Variants in ARHGAP24 observed in about 807,000 individuals in gnomAD.
The protein encoded by ARHGAP24 is Rho GTPase activating protein 24.
ARHGAP24 carries 50 observed loss-of-function variants against 76.4 expected under a neutral mutation model. The observed-to-expected ratio is 0.65, with a 90% CI of 0.52 to 0.83. The LOEUF is 0.83. Ranked by LOEUF, ARHGAP24 falls within the 40% of genes least tolerant of loss-of-function variation. The pLI is 0.00. For missense variants in ARHGAP24, 930 were observed against 914.2 expected (o/e 1.02, Z -0.22); for synonymous variants, 345 against 323.3 (o/e 1.07, Z -0.72).
At chr4:85,494,789 T>A (rs147042056) in intron 1 of ARHGAP24, among the ~76,000 whole-genome samples, 8 of 152,108 alleles carry the variant, frequency 5.3e-5, no homozygotes, top group African/African-American at 1.9e-4. Context: ...TAAAACTTCA[T>A]GAAAACTCTC....
At chr4:85,729,615 G>C (rs557281753) in intron 3 of ARHGAP24, among the ~76,000 whole-genome samples, 21 of 152,188 alleles carry the variant, frequency 1.4e-4, no homozygotes, top group African/African-American at 5.1e-4. Flanking sequence ...CTATTCGCTA[G>C]ACCAGGGGCC....
intron 3 of ARHGAP24, among the ~76,000 whole-genome samples, chr4:85,890,317 G>A (rs1444901267): frequency 6.6e-6 from 1 of 151,930 alleles, no homozygotes; most frequent in Non-Finnish European, 1.5e-5. Flanking sequence ...TTTTATCTTG[G>A]TCATCACACA....
chr4:85,720,677 A>T (rs1046804260), intron 2 of ARHGAP24, among the ~76,000 whole-genome samples: 1 of 152,230 alleles, frequency 6.6e-6, no homozygotes, highest in Non-Finnish European at 1.5e-5. Context: ...AGAGAGTACT[A>T]GAGTCAGAAG....
intron 4 of ARHGAP24, among the ~76,000 whole-genome samples, chr4:85,939,975 A>G (rs1347748306): frequency 1.3e-5 from 2 of 152,168 alleles, no homozygotes; most frequent in Non-Finnish European, 2.9e-5. Context: ...ATGATCTACA[A>G]GTCTTTTAAA....
intron 5 of ARHGAP24, among the ~76,000 whole-genome samples, chr4:85,954,911 G>A (rs886540314): frequency 2.3e-4 from 35 of 152,240 alleles, no homozygotes; most frequent in Non-Finnish European, 5.9e-5. Context: ...TCAGGAGGCT[G>A]AGGCAGGAGA....
At chr4:85,611,929 G>C (rs1269381077) in intron 2 of ARHGAP24, among the ~76,000 whole-genome samples, 1 of 152,032 alleles carries the variant, frequency 6.6e-6, no homozygotes, top group Non-Finnish European at 1.5e-5. Context: ...TTTTCTCCAG[G>C]TTCTGTATAG....
At chr4:85,557,578 C>G (rs1212002573) in intron 1 of ARHGAP24, among the ~76,000 whole-genome samples, 1 of 152,194 alleles carries the variant, frequency 6.6e-6, no homozygotes, top group African/African-American at 2.4e-5. Context: ...TCACTCTTCT[C>G]TGTTCTCTGT....
chr4:85,813,596 GC>G (rs1161428921), intron 3 of ARHGAP24, among the ~76,000 whole-genome samples: 8 of 151,744 alleles, frequency 5.3e-5, no homozygotes, highest in Non-Finnish European at 7.4e-5. Flanking sequence ...ATAATTATAA[GC>G]CCTACTTTTT....
intron 2 of ARHGAP24, among the ~76,000 whole-genome samples, chr4:85,685,489 TG>T (rs1239218232): frequency 6.6e-6 from 1 of 151,978 alleles, no homozygotes; most frequent in Non-Finnish European, 1.5e-5. Context: ...AAAAATTAGC[TG>T]GGCATAGTGG....
intron 5 of ARHGAP24, among the ~76,000 whole-genome samples, chr4:85,946,157 A>G (rs1324257790): frequency 1.3e-5 from 2 of 152,184 alleles, no homozygotes; most frequent in Non-Finnish European, 2.9e-5. Context: ...GACCTGCCCC[A>G]TGATTCAACC....
chr4:85,564,908 A>G (rs1292046670), intron 1 of ARHGAP24, among the ~76,000 whole-genome samples: 3 of 130,484 alleles, frequency 2.3e-5, no homozygotes, highest in African/African-American at 2.8e-5. Flanking sequence ...CCCCTGCTCT[A>G]GGCAGAACAC....
At chr4:85,738,096 T>G (rs1318183530) in intron 3 of ARHGAP24, among the ~76,000 whole-genome samples, 1 of 152,060 alleles carries the variant, frequency 6.6e-6, no homozygotes, top group East Asian at 1.9e-4. Context: ...AATTTTTGTA[T>G]TTTTAGTAGA....
At chr4:85,958,170 A>G (rs1477972155) in intron 5 of ARHGAP24, among the ~76,000 whole-genome samples, 4 of 152,234 alleles carry the variant, frequency 2.6e-5, no homozygotes, top group Non-Finnish European at 5.9e-5. Flanking sequence ...ATGTTAATGA[A>G]CCGAAACTCG....
chr4:85,652,711 A>C (rs2109982592), intron 2 of ARHGAP24, among the ~76,000 whole-genome samples: 1 of 152,262 alleles, frequency 6.6e-6, no homozygotes, highest in Admixed American at 6.5e-5. Context: ...AGGATGCACA[A>C]ATTTTTGAGG....
At chr4:85,578,984 T>G (rs1478203103) in intron 2 of ARHGAP24, among the ~76,000 whole-genome samples, 2 of 152,222 alleles carry the variant, frequency 1.3e-5, no homozygotes, top group African/African-American at 4.8e-5. Context: ...ACTTATTACA[T>G]GGAAAGATTT....
At chr4:85,754,500 T>C (rs2110068625) in intron 3 of ARHGAP24, among the ~76,000 whole-genome samples, 1 of 152,304 alleles carries the variant, frequency 6.6e-6, no homozygotes, top group South Asian at 2.1e-4. Context: ...TTTAGTGATG[T>C]TTAAGTTCTC....
intron 2 of ARHGAP24, among the ~76,000 whole-genome samples, chr4:85,610,225 C>T (rs1272394585): frequency 6.6e-6 from 1 of 151,706 alleles, no homozygotes; most frequent in South Asian, 2.1e-4. Context: ...AGGCGGATCA[C>T]GAGGTCAGGA....
chr4:85,628,213 T>G (rs1721036783), intron 2 of ARHGAP24, among the ~76,000 whole-genome samples: 1 of 152,210 alleles, frequency 6.6e-6, no homozygotes, highest in East Asian at 1.9e-4. Context: ...TTGACCATCT[T>G]GGCTCCTCCC....
Position 85,747,470 on chromosome 4 carries a change from G to T in ARHGAP24, c.268+25498G>T, listed in dbSNP as rs182126620. ...TGTAATCCCAGCACTTTGGGAGGCC[G>T]AGGTGGGCGGATCACGAGGTCAGGA... On this transcript the variant is annotated intron_variant, in intron 3 of 9. Coordinates refer to ENST00000395184, the MANE Select transcript of ARHGAP24 (RefSeq NM_001025616.3). Among the ~76,000 whole-genome samples the T allele has an allele frequency of 3.7e-3, 562 of 152,294 alleles. 5 individuals carry two copies. The highest frequency in any genetic ancestry group is 0.013 in the African/African-American group (522 of 41,556).
Sources: allele counts gnomAD v4.1 joint callset (sites outside exome capture counted in the v4.1 genomes callset), GRCh38; gene constraint gnomAD v4.1.1; transcripts MANE v1.5; gene names NCBI Gene and HGNC (gene_info 2026-07-23, HGNC 2026-07-21).